Variants in DGKG observed in about 807,000 individuals in gnomAD.
The protein encoded by DGKG is DAG kinase gamma.
Under a neutral mutation model 105.3 loss-of-function variants are expected in DGKG, and 78 were observed. The observed-to-expected ratio is 0.74, with a 90% CI of 0.62 to 0.89. The LOEUF is 0.89. Among genes scored for constraint, DGKG ranks in the 40% least tolerant of loss-of-function variants. The pLI, the probability that DGKG is intolerant of heterozygous loss-of-function variation, is 0.00. For synonymous variants in DGKG, 346 were observed against 367.1 expected (o/e 0.94, Z 0.66); for missense variants, 958 against 1,020.1 (o/e 0.94, Z 0.83).
At chr3:186,204,203 G>A (rs1484797951) in intron 21 of DGKG, among the ~76,000 whole-genome samples, 1 of 152,156 alleles carries the variant, frequency 6.6e-6, no homozygotes, top group African/African-American at 2.4e-5. Flanking sequence ...GAGGTCAGGA[G>A]TTTGAGATCA....
chr3:186,320,876 G>A (rs1173697831), intron 1 of DGKG, among the ~76,000 whole-genome samples, 169 bp from the exon 2 acceptor site: 1 of 152,212 alleles, frequency 6.6e-6, no homozygotes, highest in Non-Finnish European at 1.5e-5. Context: ...GGCTGGTGGT[G>A]AGAGTTGAGG....
chr3:186,222,764 G>A (rs1719650826), intron 20 of DGKG, among the ~76,000 whole-genome samples: 1 of 151,660 alleles, frequency 6.6e-6, no homozygotes, highest in South Asian at 2.1e-4. Flanking sequence ...GGATCATGAG[G>A]TCTGGGAGTT....
chr3:186,188,859 G>T (rs1293147097), intron 21 of DGKG, among the ~76,000 whole-genome samples: 1 of 152,086 alleles, frequency 6.6e-6, no homozygotes, highest in African/African-American at 2.4e-5. Context: ...CTGTCACCCA[G>T]GCTGGAGTGC....
chr3:186,185,171 G>A (rs78595381), intron 22 of DGKG, among the ~76,000 whole-genome samples: 1,571 of 152,276 alleles, frequency 0.01, 15 homozygotes, highest in Non-Finnish European at 0.018. Context: ...ACTAAAATAC[G>A]TTGCCTCTTT....
At chr3:186,184,870 G>A (rs1185568842) in intron 22 of DGKG, among the ~76,000 whole-genome samples, 2 of 152,136 alleles carry the variant, frequency 1.3e-5, no homozygotes, top group African/African-American at 2.4e-5. Context: ...AGAGCTCTCT[G>A]CCTCCTCAGC....
At chr3:186,318,579 A>G (rs1724925563) in intron 2 of DGKG, among the ~76,000 whole-genome samples, 1 of 152,108 alleles carries the variant, frequency 6.6e-6, no homozygotes, top group Non-Finnish European at 1.5e-5. Flanking sequence ...GTCATGACCG[A>G]ATGGGGGGAT....
At chr3:186,246,197 C>G (rs923775337) in intron 19 of DGKG, among the ~76,000 whole-genome samples, 10 of 152,290 alleles carry the variant, frequency 6.6e-5, no homozygotes, top group Admixed American at 2.6e-4. Context: ...GTCTCAAACT[C>G]CTGACCTCAG....
intron 1 of DGKG, among the ~76,000 whole-genome samples, chr3:186,348,550 C>T (rs936197999): frequency 1.3e-5 from 2 of 149,734 alleles, no homozygotes; most frequent in African/African-American, 5.0e-5. Context: ...CTCTTGGGCT[C>T]AGGTGATCCT....
chr3:186,297,598 G>T, intron 4 of DGKG, 115 bp from the exon 5 acceptor site: 1 of 750,892 alleles, frequency 1.3e-6, no homozygotes, highest in South Asian at 1.5e-5. Flanking sequence ...TGTGTCTCGG[G>T]GTTATGTGTC....
chr3:186,350,371 A>G (rs1046667869), intron 1 of DGKG, among the ~76,000 whole-genome samples: 1 of 152,126 alleles, frequency 6.6e-6, no homozygotes, highest in South Asian at 2.1e-4. Flanking sequence ...GGATTATTTC[A>G]TTTAGTGTAA....
At chr3:186,212,975 T>G (rs1233698037) in intron 20 of DGKG, among the ~76,000 whole-genome samples, 1 of 152,204 alleles carries the variant, frequency 6.6e-6, no homozygotes, top group Non-Finnish European at 1.5e-5. Context: ...TTTTTCCTCA[T>G]GTTCCTTAGG....
Position 186,337,499 on chromosome 3 carries a change from C to G in DGKG, c.-248-16792G>C, listed in dbSNP as rs1355669378. ...TCATGATGGCTATCCTCCAAAATCC[C>G]ACAGCAAACTTCATATTTAAATGGT... is the stretch of plus-strand genomic sequence containing the variant. On this transcript the variant is annotated intron_variant, in intron 1 of 24. Coordinates refer to ENST00000265022, the MANE Select transcript of DGKG (RefSeq NM_001346.3). Among the ~76,000 whole-genome samples, 4 of 152,138 alleles carry G rather than the reference C, an allele frequency of 2.6e-5. No individual in the cohort carries two copies. The East Asian group carries it at 5.8e-4, about 22-fold the overall frequency.
rs1379313201 is a variant in DGKG at position 186,284,111 on chromosome 3, G to C, written c.594+549C>G. ...CTCAGGTGCAATGGGATGGGAACAT[G>C]TACTTAGAGCAGACAGAACCAGACT... On this transcript the variant is annotated intron_variant, in intron 7 of 24. Coordinates refer to ENST00000265022, the MANE Select transcript of DGKG (RefSeq NM_001346.3). The surrounding 1 kb of genome is among the most constrained non-coding windows in gnomAD (Gnocchi z 4.0). 2.6e-5 allele frequency among the ~76,000 whole-genome samples: 4 copies of C among 152,214 alleles called. No individual in the cohort carries two copies. Among genetic ancestry groups the C allele is most frequent in the Non-Finnish European group, 5.9e-5 (4 of 68,036 alleles).
In DGKG at chr3:186,353,638, A is replaced by ACCTATG. The variant is rs1231152053; in HGVS notation, c.-249+8307_-249+8308insCATAGG. Among the ~76,000 whole-genome samples the ACCTATG allele has an allele frequency of 2.8e-3, 308 of 108,306 alleles. 2 individuals carry two copies. The highest frequency in any genetic ancestry group is 9.5e-3 in the African/African-American group (287 of 30,192). The allele number at this position is 108,306 out of a possible 152,430, so 71.1% of individuals were successfully genotyped here. On this transcript the variant is annotated intron_variant, in intron 1 of 24. Coordinates refer to ENST00000265022, the MANE Select transcript of DGKG (RefSeq NM_001346.3). The stretch of plus-strand genomic sequence containing the variant: ...ATATAGACTCTCTATCTATATCTAT[A>ACCTATG]TCTATATCTATGTCTATGTCTATAT...
Position 186,298,202 on chromosome 3 carries a change from A to G in DGKG, c.172T>C (p.Phe58Leu). 1 of 1,611,476 alleles carries G rather than the reference A, an allele frequency of 6.2e-7. No individual in the cohort carries two copies. Among genetic ancestry groups the G allele is most frequent in the Non-Finnish European group, 8.5e-7 (1 of 1,178,866 alleles). The stretch of plus-strand genomic sequence containing the variant: ...TCCACCTCCAGGTACGCCCTCATGA[A>G]CAGCTTGAAGACATCATAGCTAATC... ...EPISYDVFKL[F>L]MRAYLEVDLP... Residue 58 changes from phenylalanine to leucine, a missense_variant, in exon 4 of 25, where the codon TTC becomes CTC. Coordinates refer to ENST00000265022, the MANE Select transcript of DGKG (RefSeq NM_001346.3).
intron 5 of DGKG, among the ~76,000 whole-genome samples, chr3:186,295,857 G>A (rs1000864131): frequency 1.3e-5 from 2 of 152,060 alleles, no homozygotes; most frequent in African/African-American, 4.8e-5. Context: ...GGTGGCTCAT[G>A]CCTGTAATCC....
intron 20 of DGKG, among the ~76,000 whole-genome samples, chr3:186,227,990 A>G (rs1235957424): frequency 3.3e-5 from 5 of 152,166 alleles, no homozygotes; most frequent in Admixed American, 3.3e-4. Context: ...AGGCCAACAA[A>G]CTCTGACATT....
intron 21 of DGKG, among the ~76,000 whole-genome samples, chr3:186,200,384 A>C (rs1718393383): frequency 1.3e-5 from 2 of 152,186 alleles, no homozygotes; most frequent in Non-Finnish European, 2.9e-5. Flanking sequence ...GATGACAAGG[A>C]ATGGGACACA....
chr3:186,199,845 T>C (rs777196881), intron 21 of DGKG, among the ~76,000 whole-genome samples: 2 of 152,126 alleles, frequency 1.3e-5, no homozygotes, highest in Non-Finnish European at 2.9e-5. Flanking sequence ...TGAGGAAACA[T>C]TGACTCGGTG....
Sources: allele counts gnomAD v4.1 joint callset (sites outside exome capture counted in the v4.1 genomes callset), GRCh38; gene constraint gnomAD v4.1.1; non-coding constraint Gnocchi (gnomAD v3.1); transcripts MANE v1.5; gene names NCBI Gene and HGNC (gene_info 2026-07-23, HGNC 2026-07-21).